The following CEP95 variants were observed in gnomAD, a reference collection of about 807,000 sequenced individuals.
CEP95 encodes centrosomal protein 95.
Under a neutral mutation model 111.2 loss-of-function variants are expected in CEP95, and 98 were observed. The ratio of observed to expected loss-of-function variants is 0.88; its 90% CI spans 0.75 to 1.04. The LOEUF (loss-of-function observed/expected upper bound fraction) is 1.04, where lower values mean the gene tolerates loss of function less well. Among genes scored for constraint, CEP95 ranks in the 50% least tolerant of loss-of-function variants. The probability of loss-of-function intolerance (pLI) is 0.00; values close to 1 mark genes in which losing one functional copy is unlikely to be tolerated. For missense variants in CEP95, 1,027 were observed against 977.2 expected (o/e 1.05, Z -0.68); for synonymous variants, 323 against 327.1 (o/e 0.99, Z 0.14).
At chr17:64,537,344 T>C (rs782303167) in intron 19 of CEP95, 72 of 1,406,172 alleles carry the variant, frequency 5.1e-5, no homozygotes, top group Non-Finnish European at 6.4e-5. Context: ...ATGACTAATT[T>C]ACATTTTTAG....
At chr17:64,525,169 G>A (rs1204227258) in intron 8 of CEP95, among the ~76,000 whole-genome samples, 5 of 151,732 alleles carry the variant, frequency 3.3e-5, no homozygotes, top group East Asian at 1.9e-4. Context: ...GCGAAACACC[G>A]TCTTTACTAA....
At chr17:64,527,897 C>T (rs1420972935) in intron 11 of CEP95, among the ~76,000 whole-genome samples, 10 of 149,680 alleles carry the variant, frequency 6.7e-5, no homozygotes, top group African/African-American at 2.2e-4. Context: ...TATATACACA[C>T]ACACACACAC....
chr17:64,530,105 G>A (rs1474335329), intron 12 of CEP95, among the ~76,000 whole-genome samples: 2 of 152,198 alleles, frequency 1.3e-5, no homozygotes, highest in African/African-American at 2.4e-5. Context: ...TTAAAGTAAT[G>A]TAGAGATTTG....
intron 6 of CEP95, 35 bp downstream of exon 6, chr17:64,519,471 C>A: frequency 7.1e-7 from 1 of 1,414,178 alleles, no homozygotes; most frequent in South Asian, 1.2e-5. Context: ...AGTTATTATT[C>A]AACATACAAC....
intron 11 of CEP95, among the ~76,000 whole-genome samples, chr17:64,528,726 GA>G (rs1476660953): frequency 2.0e-5 from 3 of 152,218 alleles, no homozygotes; most frequent in African/African-American, 7.2e-5. Context: ...ACAACTAGCA[GA>G]TCCCCAGACA....
chr17:64,517,165 G>C (rs1484702774), intron 5 of CEP95, among the ~76,000 whole-genome samples: 2 of 152,100 alleles, frequency 1.3e-5, no homozygotes, highest in Non-Finnish European at 2.9e-5. Context: ...TCCTGCCTCA[G>C]CCTCCTGAGT....
intron 12 of CEP95, among the ~76,000 whole-genome samples, chr17:64,529,928 C>T (rs1329701994): frequency 3.3e-5 from 5 of 152,068 alleles, no homozygotes; most frequent in Non-Finnish European, 2.9e-5. Flanking sequence ...TTTTATAATG[C>T]GGTAGGATTT....
intron 6 of CEP95, among the ~76,000 whole-genome samples, chr17:64,519,800 C>T (rs782796503): frequency 6.6e-6 from 1 of 152,146 alleles, no homozygotes; most frequent in Non-Finnish European, 1.5e-5. Flanking sequence ...CCAATAAGTT[C>T]GTATATGCAG....
intron 2 of CEP95, among the ~76,000 whole-genome samples, chr17:64,509,931 ATATTCAACCG>A (rs2038801195): frequency 6.6e-6 from 1 of 152,110 alleles, no homozygotes; most frequent in Non-Finnish European, 1.5e-5. Context: ...GGTGTAATAA[ATATTCAACCG>A]TATTCAACCA....
intron 1 of CEP95, chr17:64,507,590 T>G: frequency 2.0e-6 from 2 of 1,012,628 alleles, no homozygotes; most frequent in Non-Finnish European, 2.4e-6. Context: ...TTCAGTGCCC[T>G]CTAGAGTCAT....
chr17:64,511,198 C>G (rs2038873327), intron 3 of CEP95, among the ~76,000 whole-genome samples: 1 of 152,120 alleles, frequency 6.6e-6, no homozygotes, highest in African/African-American at 2.4e-5. Flanking sequence ...GTTTTGGGCA[C>G]CATTGTCATT....
chr17:64,514,280 A>G lies in CEP95; in HGVS notation c.289A>G (p.Ile97Val), dbSNP rs1555675853. 2.0e-6 allele frequency: 3 copies of G among 1,479,714 alleles called. No individual in the cohort carries two copies. The highest frequency in any genetic ancestry group is 2.0e-5 in the Admixed American group (1 of 50,840). The allele number at this position is 1,479,714 out of a possible 1,614,324, so 91.7% of individuals were successfully genotyped here. A position where few individuals can be genotyped will look rare whatever the true frequency, so the allele number is the denominator to read the frequency against. Reference protein sequence around the residue: ...ENIVKGDKESIKNLLEIFDGL... With the variant: ...ENIVKGDKESVKNLLEIFDGL... ...TATAGTGAAAGGAGATAAAGAATCT[A>G]TTAAGAATCTCCTGGAAATATTTGA... Residue 97 changes from isoleucine (I) to valine (V), a missense_variant, in exon 4 of 20, where the codon ATT becomes GTT. By Grantham distance (29) the Ile-to-Val change is conservative (BLOSUM62 3). Transcript: ENST00000556440.
Position 64,534,736 on chromosome 17 carries a change from TG to T in CEP95, c.2070+1del, listed in dbSNP as rs1568158030. The stretch of plus-strand genomic sequence containing the variant: ...ATGAGAATGAGGACCCGGGAAGAAA[TG>T]GTAAGTCTGACTTTTCTGTCCAGCC... ...KMMRMRTREE[M>X]IFKKLFEEGL... On this transcript the variant is annotated frameshift_variant and splice_region_variant, in exon 17 of 20. Transcript: ENST00000556440. LOFTEE classifies it high-confidence loss of function. 1.2e-6 allele frequency: 2 copies of T among 1,610,092 alleles called. No individual in the cohort carries two copies. The highest frequency in any genetic ancestry group is 1.7e-6 in the Non-Finnish European group (2 of 1,177,976).
intron 17 of CEP95, 198 bp downstream of exon 17, chr17:64,534,935 C>G: frequency 1.7e-6 from 1 of 576,268 alleles, no homozygotes; most frequent in African/African-American, 1.9e-5. Context: ...TCTCAGTCTC[C>G]GTGTCCCTCA....
chr17:64,531,801 C>A, intron 13 of CEP95, 89 bp from the exon 14 acceptor site: 1 of 937,386 alleles, frequency 1.1e-6, no homozygotes, highest in Non-Finnish European at 1.5e-6. Context: ...CTACCGTTAG[C>A]TGTTTTTGTC....
intron 13 of CEP95, among the ~76,000 whole-genome samples, chr17:64,531,676 C>G (rs923706447): frequency 6.6e-6 from 1 of 151,900 alleles, no homozygotes; most frequent in Non-Finnish European, 1.5e-5. Context: ...TTTCAAATTC[C>G]AAGGGATGCC....
At chr17:64,517,797 G>A (rs1023311462) in intron 5 of CEP95, among the ~76,000 whole-genome samples, 15 of 151,310 alleles carry the variant, frequency 9.9e-5, no homozygotes, top group Non-Finnish European at 2.2e-4. Flanking sequence ...GCCTCCCAGA[G>A]TGCTGGGATT....
intron 4 of CEP95, among the ~76,000 whole-genome samples, chr17:64,516,399 G>C (rs782803042): frequency 1.1e-4 from 17 of 152,152 alleles, no homozygotes; most frequent in Admixed American, 6.5e-4. Flanking sequence ...CACGTTTTCT[G>C]TCACCTTGAT....
intron 5 of CEP95, among the ~76,000 whole-genome samples, chr17:64,518,644 T>C (rs1967062070): frequency 6.6e-6 from 1 of 152,194 alleles, no homozygotes; most frequent in Non-Finnish European, 1.5e-5. Flanking sequence ...TATAGTACAT[T>C]GTAAAAAATG....
Sources: allele counts gnomAD v4.1 joint callset (sites outside exome capture counted in the v4.1 genomes callset), GRCh38; gene constraint gnomAD v4.1.1; transcripts MANE v1.5; gene names NCBI Gene and HGNC (gene_info 2026-07-23, HGNC 2026-07-21).